Variants in DNAAF4 observed in about 807,000 individuals in gnomAD.
The protein encoded by DNAAF4 is dynein axonemal assembly factor 4, also known as dynein assembly factor 4, axonemal.
In DNAAF4, 43 loss-of-function variants were observed where a neutral mutation model predicts 51.8. The ratio of observed to expected loss-of-function variants is 0.83; its 90% CI spans 0.65 to 1.07. The LOEUF is 1.07. Among genes scored for constraint, DNAAF4 ranks in the 50% least tolerant of loss-of-function variants. The pLI is 0.00. For synonymous variants in DNAAF4, 194 were observed against 165.6 expected, an observed-to-expected ratio of 1.17 and a Z score of -1.32; for missense variants, 581 against 493.0, an observed-to-expected ratio of 1.18 and a Z score of -1.69.
chr15:55,477,479 AG>A (rs61114049), intron 4 of DNAAF4, among the ~76,000 whole-genome samples: 31,739 of 151,954 alleles, frequency 0.21, 4,151 homozygotes, highest in Non-Finnish European at 0.3. Flanking sequence ...AATAGACCAA[AG>A]GGAGGAGTAG....
intron 8 of DNAAF4, among the ~76,000 whole-genome samples, chr15:55,433,812 AATATATATT>A (rs1165732224): frequency 1.1e-5 from 1 of 88,346 alleles, no homozygotes; most frequent in Non-Finnish European, 2.1e-5. Context: ...TTATATATAT[AATATATATT>A]ATATATATTA....
At chr15:55,418,224 A>G in intron 7 of DNAAF4, 2 of 1,571,868 alleles carry the variant, frequency 1.3e-6, no homozygotes, top group Non-Finnish European at 1.7e-6. Context: ...ATCTTTTAGG[A>G]TAAGAAAAGT....
chr15:55,421,670 T>G (rs1205462346), intron 7 of DNAAF4, among the ~76,000 whole-genome samples: 3 of 151,694 alleles, frequency 2.0e-5, no homozygotes, highest in African/African-American at 7.3e-5. Context: ...GCAGATCACC[T>G]AAGGTCAGGA....
Position 55,491,115 on chromosome 15 carries a change from C to T in DNAAF4, c.405+8G>A, listed in dbSNP as rs576855321. 7 of 1,614,028 alleles carry T rather than the reference C, an allele frequency of 4.3e-6. No individual in the cohort carries two copies. The Admixed American group carries it at 6.7e-5, about 15-fold the overall frequency. ...TTTAGAGGACTTGCCTGTCATTCTG[C>T]AACTTACCTTCATCATGACACTTAG... On this transcript the variant is annotated splice_region_variant and intron_variant, in intron 4 of 9. Coordinates refer to ENST00000321149, the MANE Select transcript of DNAAF4 (RefSeq NM_130810.4).
intron 4 of DNAAF4, among the ~76,000 whole-genome samples, chr15:55,487,215 T>C (rs1351069222): frequency 6.6e-6 from 1 of 152,140 alleles, no homozygotes; most frequent in Non-Finnish European, 1.5e-5. Flanking sequence ...CAGCGCTCTG[T>C]GTCTAGCTAA....
chr15:55,448,535 T>C (rs1368831100), intron 6 of DNAAF4, among the ~76,000 whole-genome samples: 1 of 134,180 alleles, frequency 7.5e-6, no homozygotes. Context: ...TGTGTGTGTG[T>C]GTGTGTGTGT....
At chr15:55,446,881 T>TGAC (rs2057834903) in intron 6 of DNAAF4, among the ~76,000 whole-genome samples, 1 of 105,298 alleles carries the variant, frequency 9.5e-6, no homozygotes, top group Non-Finnish European at 1.9e-5. Context: ...ACGGGCCGGC[T>TGAC]GGGCAGAGGT....
chr15:55,443,147 C>A, intron 6 of DNAAF4: 5 of 1,610,578 alleles, frequency 3.1e-6, no homozygotes, highest in Non-Finnish European at 4.2e-6. Context: ...CAGGAGCCGT[C>A]TTCACATTTC....
intron 7 of DNAAF4, among the ~76,000 whole-genome samples, chr15:55,424,609 C>T (rs1205855426): frequency 1.3e-5 from 2 of 152,228 alleles, no homozygotes; most frequent in African/African-American, 4.8e-5. Context: ...TTTATCCAGG[C>T]TAGAGTGCAG....
chr15:55,432,634 G>T, intron 8 of DNAAF4, 32 bp from the exon 9 acceptor site: 1 of 1,548,842 alleles, frequency 6.5e-7, no homozygotes, highest in Non-Finnish European at 8.8e-7. Context: ...TTACAAGAAA[G>T]TTATAGTTTC....
chr15:55,504,817 C>A (rs549691107), intron 1 of DNAAF4, among the ~76,000 whole-genome samples: 1 of 152,160 alleles, frequency 6.6e-6, no homozygotes, highest in South Asian at 2.1e-4. Context: ...CCATAAAAAC[C>A]CTAGAAGAAA....
chr15:55,435,193 T>C (rs1452760716), intron 7 of DNAAF4, 135 bp from the exon 8 acceptor site: 2 of 854,046 alleles, frequency 2.3e-6, no homozygotes, highest in Non-Finnish European at 3.4e-6. Flanking sequence ...TTGCCTGCAC[T>C]GAATCCATCT....
intron 3 of DNAAF4, among the ~76,000 whole-genome samples, chr15:55,491,733 TA>T (rs1179200401): frequency 3.6e-5 from 5 of 139,974 alleles, no homozygotes; most frequent in Non-Finnish European, 7.6e-5. Flanking sequence ...GTATATAATA[TA>T]ATATATAATA....
chr15:55,492,902 T>C (rs970778243), intron 3 of DNAAF4, among the ~76,000 whole-genome samples: 23 of 152,308 alleles, frequency 1.5e-4, no homozygotes, highest in African/African-American at 4.8e-4. Flanking sequence ...AAGTCTAATA[T>C]TGTAATTTCA....
rs1299628937 is a variant in DNAAF4 at position 55,497,898 on chromosome 15, A to G, written c.124-39T>C. On this transcript the variant is annotated intron_variant, in intron 2 of 9. Transcript: ENST00000321149. Reference sequence around the variant, plus strand: ...TGAAAACAGAAACTAAGTTAGTTACACAAATTAAGCACGCGTATTAAGAAA... The same window carrying G: ...TGAAAACAGAAACTAAGTTAGTTACGCAAATTAAGCACGCGTATTAAGAAA... The G allele has an allele frequency of 3.2e-6, 5 of 1,569,222 alleles. No individual in the cohort carries two copies. The African/African-American group carries it at 5.5e-5, about 17-fold the overall frequency.
chr15:55,441,018 A>G (rs118119547), intron 6 of DNAAF4, among the ~76,000 whole-genome samples: 7,125 of 151,192 alleles, frequency 0.047, 245 homozygotes, highest in Non-Finnish European at 0.069. Context: ...TGGTGGAAAT[A>G]CAATAGATAA....
intron 4 of DNAAF4, among the ~76,000 whole-genome samples, chr15:55,473,864 C>T (rs2058301067): frequency 6.6e-6 from 1 of 151,860 alleles, no homozygotes; most frequent in Non-Finnish European, 1.5e-5. Context: ...TGGTGGCACA[C>T]AACTGTAGTC....
downstream of DNAAF4, among the ~76,000 whole-genome samples, chr15:55,427,119 T>C (rs2141388829): frequency 6.6e-6 from 1 of 152,180 alleles, no homozygotes; most frequent in South Asian, 2.1e-4. Flanking sequence ...CAGGCTGGAG[T>C]GCAGTGGCCC....
chr15:55,431,359 TACACACACACACACAC>T lies in DNAAF4; in HGVS notation c.1154-596_1154-581del, dbSNP rs34741079. Among the ~76,000 whole-genome samples, 69 of 149,514 alleles carry T rather than the reference TACACACACACACACAC, an allele frequency of 4.6e-4. 1 individual carries two copies. In the South Asian group the frequency reaches 9.2e-3, roughly 20 times the overall value. ...TTATTTCCGAGCTTAGGTGTGTGTA[TACACACACACACACAC>T]ACACACACACACACAAATACATACA... is the stretch of plus-strand genomic sequence containing the variant. On this transcript the variant is annotated intron_variant, in intron 9 of 9. Transcript: ENST00000321149.
Sources: allele counts gnomAD v4.1 joint callset (sites outside exome capture counted in the v4.1 genomes callset), GRCh38; gene constraint gnomAD v4.1.1; transcripts MANE v1.5; gene names NCBI Gene and HGNC (gene_info 2026-07-23, HGNC 2026-07-21).